The following FBXO5 variants were observed in gnomAD, a reference collection of about 807,000 sequenced individuals.
FBXO5 encodes the protein F-box protein 5.
In FBXO5, 8 loss-of-function variants were observed where a neutral mutation model predicts 43.3. That is an observed-to-expected ratio of 0.18 (90% CI 0.11 to 0.33). The LOEUF (loss-of-function observed/expected upper bound fraction) is 0.33, where lower values mean the gene tolerates loss of function less well. FBXO5 is among the 10% of genes least tolerant of loss of function. The probability of loss-of-function intolerance (pLI) is 1.00; values close to 1 mark genes in which losing one functional copy is unlikely to be tolerated. For synonymous variants in FBXO5, 204 were observed against 193.7 expected, an observed-to-expected ratio of 1.05 and a Z score of -0.44; for missense variants, 491 against 535.7, an observed-to-expected ratio of 0.92 and a Z score of 0.82.
chr6:152,977,225 T>C (rs1327688468), intron 1 of FBXO5, among the ~76,000 whole-genome samples: 1 of 152,194 alleles, frequency 6.6e-6, no homozygotes, highest in Non-Finnish European at 1.5e-5. Flanking sequence ...GAATCTTAAA[T>C]GCCAGGTTAA....
chr6:152,972,836 C>T (rs1306407313), intron 3 of FBXO5: 1 of 449,850 alleles, frequency 2.2e-6, no homozygotes, highest in Non-Finnish European at 3.8e-6. Context: ...CCCTTTGTTA[C>T]TTTAGACATT....
rs1778080714 is a variant in FBXO5 at position 152,971,212 on chromosome 6, C to T, written c.1295G>A (p.Gly432Asp). The T allele has an allele frequency of 1.9e-6, 3 of 1,613,422 alleles. No individual in the cohort carries two copies. The highest frequency in any genetic ancestry group is 1.7e-4 in the Middle Eastern group (1 of 6,056). Residue 432 changes from glycine to aspartate, a missense_variant, in exon 5 of 5, where the codon GGT becomes GAT. Transcript: ENST00000229758. ...GKLLKASCKI[G>D]PLPGTKKSKK... is the part of the protein sequence containing the mutation. ...GCTTTTCTTTGTACCAGGCAGGGGACCTATTTTACAACTGGCTTTGAGGAG... is the reference window on the plus strand; with the variant it reads ...GCTTTTCTTTGTACCAGGCAGGGGATCTATTTTACAACTGGCTTTGAGGAG...
chr6:152,978,243 T>A (rs1466583800), intron 1 of FBXO5, among the ~76,000 whole-genome samples: 1 of 151,866 alleles, frequency 6.6e-6, no homozygotes, highest in East Asian at 1.9e-4. Context: ...GAGCTGGCCC[T>A]TTTCCAGTCC....
intron 2 of FBXO5, chr6:152,973,865 T>TA (rs149767529): frequency 0.31 from 46,406 of 149,912 alleles, 7,269 homozygotes; most frequent in African/African-American, 0.35. Context: ...CAAAAAAAAT[T>TA]AAAAAAAAAG....
chr6:152,976,594 C>A (rs1337194335), intron 1 of FBXO5, among the ~76,000 whole-genome samples: 1 of 152,176 alleles, frequency 6.6e-6, no homozygotes, highest in Non-Finnish European at 1.5e-5. Flanking sequence ...ACACTCTAAT[C>A]AATTAACCAG....
At chr6:152,975,688 G>A (rs1201120489) in intron 1 of FBXO5, 67 bp from the exon 2 acceptor site, 1 of 999,980 alleles carries the variant, frequency 1.0e-6, no homozygotes, top group East Asian at 2.4e-5. Flanking sequence ...TTCTTAAATT[G>A]GGATATACAA....
chr6:152,971,552 C>G lies in FBXO5; in HGVS notation c.1093-138G>C, dbSNP rs534732701. 74 of 811,514 alleles carry G rather than the reference C, an allele frequency of 9.1e-5. 1 individual carries two copies. The African/African-American group carries it at 1.2e-3, about 13-fold the overall frequency. 50.3% of individuals were successfully genotyped at this position (811,514 alleles called of 1,614,324 possible). On this transcript the variant is annotated intron_variant, in intron 4 of 4. Transcript: ENST00000229758. ...TGTCACACATACGATAACTACTGCC[C>G]TAACTATTGCCCTTTATCTATGCAT... is the stretch of plus-strand genomic sequence containing the variant.
chr6:152,982,949 C>T lies in FBXO5; in HGVS notation c.11G>A (p.Arg4His). Residue 4 changes from arginine to histidine, a missense_variant, in exon 1 of 5, where the codon CGC becomes CAC. Coordinates refer to ENST00000229758, the MANE Select transcript of FBXO5 (RefSeq NM_012177.5). Reference sequence around the variant, plus strand: ...TGGCCGTAGGGCGCAGCTGCAGGGGCGCCGGCTCATGCCAGCCGACGTGGA... The same window carrying T: ...TGGCCGTAGGGCGCAGCTGCAGGGGTGCCGGCTCATGCCAGCCGACGTGGA... MSR[R>H]PCSCALRPPR... The T allele has an allele frequency of 7.0e-7, 1 of 1,420,050 alleles. No individual in the cohort carries two copies. The highest frequency in any genetic ancestry group is 1.5e-5 in the South Asian group (1 of 66,680). 88.0% of individuals were successfully genotyped at this position (1,420,050 alleles called of 1,614,324 possible). A position where few individuals can be genotyped will look rare whatever the true frequency, so the allele number is the denominator to read the frequency against.
rs189958060 is a variant in FBXO5, at chr6:152,976,107, A to G, written c.104-486T>C. The stretch of plus-strand genomic sequence containing the variant: ...ATGACATTATGGTTCTCTTTGACGT[A>G]AGCACAACCCAAGCCACTGACAGCA... On this transcript the variant is annotated intron_variant, in intron 1 of 4. Coordinates refer to ENST00000229758, the MANE Select transcript of FBXO5 (RefSeq NM_012177.5). Among the ~76,000 whole-genome samples the G allele has an allele frequency of 2.2e-3, 330 of 152,308 alleles. 1 individual carries two copies. Among genetic ancestry groups the G allele is most frequent in the African/African-American group, 7.5e-3 (311 of 41,554 alleles).
At chr6:152,976,310 ATAAAT>A (rs1156323183) in intron 1 of FBXO5, among the ~76,000 whole-genome samples, 1 of 152,258 alleles carries the variant, frequency 6.6e-6, no homozygotes, top group African/African-American at 2.4e-5. Flanking sequence ...TTAAACATCT[ATAAAT>A]TAAAGTCTAC....
intron 1 of FBXO5, among the ~76,000 whole-genome samples, chr6:152,977,526 G>T (rs1417442226): frequency 6.6e-6 from 1 of 151,978 alleles, no homozygotes; most frequent in African/African-American, 2.4e-5. Flanking sequence ...TAAAATTAAG[G>T]GTTCAGCTGC....
intron 1 of FBXO5, among the ~76,000 whole-genome samples, chr6:152,980,860 TCA>T: frequency 6.6e-6 from 1 of 152,254 alleles, no homozygotes; most frequent in East Asian, 1.9e-4. Flanking sequence ...TCTTAAAACC[TCA>T]CTTTCCTCAT....
intron 4 of FBXO5, among the ~76,000 whole-genome samples, chr6:152,972,019 C>T (rs1448121966): frequency 6.6e-6 from 1 of 152,120 alleles, no homozygotes; most frequent in African/African-American, 2.4e-5. Context: ...TACATTTCTA[C>T]GTACTTTCCT....
chr6:152,977,624 A>G (rs1194572245), intron 1 of FBXO5, among the ~76,000 whole-genome samples: 1 of 152,230 alleles, frequency 6.6e-6, no homozygotes, highest in East Asian at 1.9e-4. Flanking sequence ...TTTTATTCAG[A>G]GGAAAAGTAA....
rs769426159 is a variant in FBXO5, at chr6:152,973,085, C to T, written c.870G>A (p.Gly290=). 2.5e-6 allele frequency: 4 copies of T among 1,613,878 alleles called. No individual in the cohort carries two copies. In the South Asian group the frequency reaches 4.4e-5, roughly 18 times the overall value. ...TWKKILEDDK[G]AFQLYSKAIQ... Reference sequence around the variant, plus strand: ...TTGCTTTACTGTACAACTGGAATGCCCCCTTATCATCTTCTAGGATCTTCT... The same window carrying T: ...TTGCTTTACTGTACAACTGGAATGCTCCCTTATCATCTTCTAGGATCTTCT... Residue 290 remains glycine, a synonymous_variant, in exon 3 of 5, where the codon GGG becomes GGA. Coordinates refer to ENST00000229758, the MANE Select transcript of FBXO5 (RefSeq NM_012177.5).
chr6:152,977,149 G>GT (rs1251709825), intron 1 of FBXO5, among the ~76,000 whole-genome samples: 4 of 152,176 alleles, frequency 2.6e-5, no homozygotes, highest in African/African-American at 9.7e-5. Context: ...TCAGAAAACT[G>GT]TTTAGCATTG....
At position 152,982,970 on chromosome 6, in the gene FBXO5, G is replaced by T. The variant is rs750285821; in HGVS notation, c.-11C>A. 7.2e-7 allele frequency: 1 copy of T among 1,396,838 alleles called. No homozygotes were observed. Among genetic ancestry groups the T allele is most frequent in the Non-Finnish European group, 9.2e-7 (1 of 1,082,414 alleles). The allele number at this position is 1,396,838 out of a possible 1,614,324, so 86.5% of individuals were successfully genotyped here. On this transcript the variant is annotated 5_prime_UTR_variant, in exon 1 of 5. Transcript: ENST00000229758. ...GGGGCGCCGGCTCATGCCAGCCGAC[G>T]TGGAGTCTGCCTCAGGTGGAGGAAC... is the stretch of plus-strand genomic sequence containing the variant.
Position 152,971,023 on chromosome 6 carries a change from T to C in FBXO5, c.*140A>G, listed in dbSNP as rs533819854. The C allele has an allele frequency of 1.4e-6, 1 of 713,572 alleles. No individual in the cohort carries two copies. The allele number at this position is 713,572 out of a possible 1,614,324, so 44.2% of individuals were successfully genotyped here. On this transcript the variant is annotated 3_prime_UTR_variant, in exon 5 of 5. Transcript: ENST00000229758. ...TTTAAGAGGTTGTCTATCCTCTTTA[T>C]CTTCTGGGGGGAAAAAAACCTCAGG... is the stretch of plus-strand genomic sequence containing the variant.
chr6:152,975,920 T>G (rs547610759), intron 1 of FBXO5, among the ~76,000 whole-genome samples: 7 of 152,286 alleles, frequency 4.6e-5, no homozygotes, highest in Non-Finnish European at 7.4e-5. Flanking sequence ...CTATAACTGA[T>G]TGAGTAAAAA....
Sources: allele counts gnomAD v4.1 joint callset (sites outside exome capture counted in the v4.1 genomes callset), GRCh38; gene constraint gnomAD v4.1.1; transcripts MANE v1.5; gene names NCBI Gene and HGNC (gene_info 2026-07-23, HGNC 2026-07-21).